Variants in DLGAP2 observed in about 807,000 individuals in gnomAD.
The protein encoded by DLGAP2 is DLG associated protein 2, also known as disks large-associated protein 2.
DLGAP2 carries 26 observed loss-of-function variants against 100.3 expected under a neutral mutation model. The observed-to-expected ratio is 0.26, with a 90% confidence interval of 0.19 to 0.36. The LOEUF (loss-of-function observed/expected upper bound fraction) is 0.36. DLGAP2 is among the 10% of genes least tolerant of loss of function. DLGAP2 has a pLI of 1.00. For missense variants in DLGAP2, 1,858 were observed against 1,453.2 expected (o/e 1.28, Z -4.53); for synonymous variants, 886 against 630.1 (o/e 1.41, Z -6.08).
intron 2 of DLGAP2, among the ~76,000 whole-genome samples, chr8:1,197,181 C>G (rs998355522): frequency 9.8e-5 from 15 of 152,360 alleles, no homozygotes; most frequent in Admixed American, 5.9e-4. Flanking sequence ...CCGTCACAGA[C>G]ACACACGGAA....
At chr8:993,629 C>T (rs570271730) in intron 2 of DLGAP2, among the ~76,000 whole-genome samples, 1 of 152,086 alleles carries the variant, frequency 6.6e-6, no homozygotes. Context: ...ATCCTTTCTC[C>T]TGTATCAAGC....
chr8:779,507 A>G (rs1208369020), intron 1 of DLGAP2, among the ~76,000 whole-genome samples: 1 of 142,164 alleles, frequency 7.0e-6, no homozygotes, highest in African/African-American at 2.7e-5. Flanking sequence ...TCTGTCGCCC[A>G]GGCTGGAGTG....
chr8:752,856 C>A (rs1202267131), intron 1 of DLGAP2, among the ~76,000 whole-genome samples: 7 of 152,156 alleles, frequency 4.6e-5, no homozygotes, highest in Non-Finnish European at 8.8e-5. Context: ...ACTCCTGCCC[C>A]TCCAAGAAGG....
chr8:1,203,026 C>T (rs961001483), intron 2 of DLGAP2, among the ~76,000 whole-genome samples: 6 of 152,234 alleles, frequency 3.9e-5, no homozygotes, highest in Non-Finnish European at 8.8e-5. Flanking sequence ...ATCCATCTGC[C>T]GGGCACCCAC....
chr8:1,270,774 C>T (rs552513984), intron 3 of DLGAP2, among the ~76,000 whole-genome samples: 1 of 150,702 alleles, frequency 6.6e-6, no homozygotes, highest in Admixed American at 6.6e-5. Context: ...GTGTGTCTCT[C>T]TGTGTGTGTC....
chr8:842,558 C>A (rs1349227021), intron 1 of DLGAP2, among the ~76,000 whole-genome samples: 2 of 152,196 alleles, frequency 1.3e-5, no homozygotes. Flanking sequence ...TTCTCTGGTA[C>A]ATGGTCGTTC....
intron 2 of DLGAP2, among the ~76,000 whole-genome samples, chr8:1,170,126 G>T (rs1209323670): frequency 6.6e-6 from 1 of 151,988 alleles, no homozygotes; most frequent in Non-Finnish European, 1.5e-5. Context: ...CCTTTTCTGC[G>T]TCTATTAAGA....
intron 1 of DLGAP2, among the ~76,000 whole-genome samples, chr8:833,399 C>T (rs1003271048): frequency 8.5e-5 from 13 of 152,178 alleles, no homozygotes; most frequent in Non-Finnish European, 1.6e-4. Context: ...TCAGCCAGGC[C>T]AGCTCCTCTT....
chr8:1,364,736 C>G (rs1339441286), intron 3 of DLGAP2, among the ~76,000 whole-genome samples: 1 of 152,218 alleles, frequency 6.6e-6, no homozygotes, highest in Non-Finnish European at 1.5e-5. Flanking sequence ...CGAACTCAGC[C>G]AGAGCTCAGC....
At chr8:1,607,588 A>T (rs1259929362) in intron 6 of DLGAP2, among the ~76,000 whole-genome samples, 1 of 152,228 alleles carries the variant, frequency 6.6e-6, no homozygotes, top group Non-Finnish European at 1.5e-5. Context: ...AGCGTGAGCG[A>T]CGCAGAAGAC....
At chr8:1,509,861 C>A (rs1192076140) in intron 4 of DLGAP2, among the ~76,000 whole-genome samples, 1 of 152,108 alleles carries the variant, frequency 6.6e-6, no homozygotes, top group East Asian at 1.9e-4. Flanking sequence ...TACGCTGTGA[C>A]CAGGTAACCC....
chr8:1,286,483 G>A (rs918086814), intron 3 of DLGAP2, among the ~76,000 whole-genome samples: 1 of 152,212 alleles, frequency 6.6e-6, no homozygotes, highest in Admixed American at 6.5e-5. Context: ...TTTCCCCGTA[G>A]ACTGTTTTCT....
intron 3 of DLGAP2, among the ~76,000 whole-genome samples, chr8:1,388,736 G>A (rs570897277): frequency 6.7e-5 from 7 of 103,800 alleles, no homozygotes; most frequent in South Asian, 3.7e-4. Context: ...CGCTGGTTCA[G>A]GTGTCAGGGC....
chr8:993,779 C>G (rs531606084), intron 2 of DLGAP2, among the ~76,000 whole-genome samples: 3 of 130,950 alleles, frequency 2.3e-5, no homozygotes, highest in African/African-American at 8.6e-5. Flanking sequence ...TGCAAGCAAA[C>G]TGATTGGCTT....
chr8:1,284,849 C>A (rs1023567787), intron 3 of DLGAP2, among the ~76,000 whole-genome samples: 1 of 152,126 alleles, frequency 6.6e-6, no homozygotes. Context: ...GGCCTCCCAC[C>A]TCAAAGTGCT....
At chr8:1,649,198 C>G (rs1467367492) in intron 8 of DLGAP2, among the ~76,000 whole-genome samples, 2 of 152,164 alleles carry the variant, frequency 1.3e-5, no homozygotes, top group Non-Finnish European at 2.9e-5. Flanking sequence ...TATTTTTAAA[C>G]TGAAGCAAAA....
intron 6 of DLGAP2, among the ~76,000 whole-genome samples, chr8:1,624,618 T>G (rs142213968): frequency 2.0e-5 from 3 of 151,802 alleles, no homozygotes; most frequent in Non-Finnish European, 4.4e-5. Context: ...AGGTCAGGGA[T>G]CCGTGTTAGC....
intron 2 of DLGAP2, among the ~76,000 whole-genome samples, chr8:943,149 T>C (rs1799233075): frequency 6.6e-6 from 1 of 152,184 alleles, no homozygotes; most frequent in Non-Finnish European, 1.5e-5. Context: ...ACTCTTACAA[T>C]TTTAGGGGCT....
At chr8:1,617,825 T>C (rs752982657) in intron 6 of DLGAP2, among the ~76,000 whole-genome samples, 3 of 152,188 alleles carry the variant, frequency 2.0e-5, no homozygotes, top group Non-Finnish European at 4.4e-5. Context: ...GTTAAAAATA[T>C]TTGATTAACC....
Sources: allele counts gnomAD v4.1 joint callset (sites outside exome capture counted in the v4.1 genomes callset), GRCh38; gene constraint gnomAD v4.1.1; transcripts MANE v1.5; gene names NCBI Gene and HGNC (gene_info 2026-07-23, HGNC 2026-07-21).